Variants in BAIAP2 observed in about 807,000 individuals in gnomAD.
BAIAP2 encodes the protein BAR/IMD domain containing adaptor protein 2.
A neutral mutation model predicts 63.0 loss-of-function variants in BAIAP2; 18 were observed. That is an observed-to-expected ratio of 0.29 (90% CI 0.20 to 0.42). BAIAP2 has a LOEUF of 0.42. Ranked by LOEUF, BAIAP2 falls within the 10% of genes least tolerant of loss-of-function variation. The pLI is 1.00. For synonymous variants in BAIAP2, 386 were observed against 307.6 expected (o/e 1.25, Z -2.67); for missense variants, 610 against 734.3 (o/e 0.83, Z 1.96).
intron 3 of BAIAP2, among the ~76,000 whole-genome samples, chr17:81,065,864 A>G (rs1032536685): frequency 1.3e-5 from 2 of 152,238 alleles, no homozygotes; most frequent in African/African-American, 4.8e-5. Context: ...CTGGCTGTGC[A>G]GGGAGGCTAA....
intron 6 of BAIAP2, among the ~76,000 whole-genome samples, chr17:81,094,651 A>ATGCTGCCCTCCCTCCTC (rs1352975563): frequency 3.3e-5 from 5 of 152,118 alleles, no homozygotes; most frequent in African/African-American, 4.8e-5. Context: ...ACCACCTGCC[A>ATGCTGCCCTCCCTCCTC]TGCTGCCCTC....
At position 81,098,986 on chromosome 17, in the gene BAIAP2, AT is replaced by A. The variant is rs2058100778; in HGVS notation, c.490-941del. On this transcript the variant is annotated intron_variant, in intron 6 of 13. Coordinates refer to ENST00000428708, the MANE Select transcript of BAIAP2 (RefSeq NM_001144888.2). ...CGTCCCCCCATCCCCCCATCCCCCC[AT>A]CCCCCCATCCCCCCATCCCACGGGG... is the stretch of plus-strand genomic sequence containing the variant. Among the ~76,000 whole-genome samples, 5 of 38,226 alleles carry A rather than the reference AT, an allele frequency of 1.3e-4. No individual in the cohort carries two copies. The South Asian group carries it at 3.1e-3, about 24-fold the overall frequency. The allele number at this position is 38,226 out of a possible 152,430, so 25.1% of individuals were successfully genotyped here.
intron 3 of BAIAP2, among the ~76,000 whole-genome samples, chr17:81,081,293 C>T (rs1213616546): frequency 6.6e-6 from 1 of 152,160 alleles, no homozygotes; most frequent in Non-Finnish European, 1.5e-5. Context: ...GGAGCTGCCT[C>T]CCCCGGGGTC....
In BAIAP2 at chr17:81,061,782, C is replaced by T. The variant is rs1046533081; in HGVS notation, c.217+3815C>T. Among the ~76,000 whole-genome samples, 31 of 152,154 alleles carry T rather than the reference C, an allele frequency of 2.0e-4. 1 individual carries two copies. The highest frequency in any genetic ancestry group is 2.0e-4 in the Admixed American group (3 of 15,276). On this transcript the variant is annotated intron_variant, in intron 3 of 13. Transcript: ENST00000428708. ...GTGTTTTTGTTCACCACTGATCTCT[C>T]TTGGTGAAGTGTGTGTTCGAATCTT...
At chr17:81,074,580 T>TGC in intron 3 of BAIAP2, among the ~76,000 whole-genome samples, 2 of 149,184 alleles carry the variant, frequency 1.3e-5, no homozygotes, top group African/African-American at 5.0e-5. Context: ...CGTGCATGGA[T>TGC]GTGTGAGTGC....
chr17:81,106,405 C>T (rs2059186000), intron 11 of BAIAP2, among the ~76,000 whole-genome samples: 1 of 152,140 alleles, frequency 6.6e-6, no homozygotes, highest in African/African-American at 2.4e-5. Flanking sequence ...CTCCTGGGGG[C>T]CAGGTGTGCA....
intron 3 of BAIAP2, among the ~76,000 whole-genome samples, chr17:81,060,602 C>T (rs534977985): frequency 6.6e-6 from 1 of 152,214 alleles, no homozygotes; most frequent in Admixed American, 6.5e-5. Context: ...CTGTCACCTT[C>T]CGGCAGCTGT....
chr17:81,063,307 GCCTTT>G (rs2050908847), intron 3 of BAIAP2, among the ~76,000 whole-genome samples: 1 of 152,190 alleles, frequency 6.6e-6, no homozygotes, highest in Non-Finnish European at 1.5e-5. Flanking sequence ...TGTGCAACCT[GCCTTT>G]CTCACTGTGT....
At chr17:81,074,827 C>G (rs905820786) in intron 3 of BAIAP2, among the ~76,000 whole-genome samples, 1 of 152,198 alleles carries the variant, frequency 6.6e-6, no homozygotes, top group Non-Finnish European at 1.5e-5. Context: ...TGTGGGTGTA[C>G]CTATACATCA....
chr17:81,111,012 C>CG, intron 13 of BAIAP2: 1 of 1,606,606 alleles, frequency 6.2e-7, no homozygotes, highest in Non-Finnish European at 8.5e-7. Context: ...TGGTTCTCCA[C>CG]GGGCCCTCTG....
At chr17:81,098,488 G>A (rs1051992975) in intron 6 of BAIAP2, among the ~76,000 whole-genome samples, 1 of 151,982 alleles carries the variant, frequency 6.6e-6, no homozygotes, top group Non-Finnish European at 1.5e-5. Context: ...CCATCTTTAA[G>A]TGCACAGTTC....
chr17:81,098,842 C>T (rs2058069846), intron 6 of BAIAP2, among the ~76,000 whole-genome samples: 1 of 152,250 alleles, frequency 6.6e-6, no homozygotes, highest in Non-Finnish European at 1.5e-5. Flanking sequence ...TGGGGACCGC[C>T]TGCTGGCTGC....
At chr17:81,064,660 G>A (rs1286390717) in intron 3 of BAIAP2, among the ~76,000 whole-genome samples, 1 of 152,182 alleles carries the variant, frequency 6.6e-6, no homozygotes, top group Non-Finnish European at 1.5e-5. Context: ...CCTGGAGTGA[G>A]GAGTGGCTGG....
In BAIAP2 at chr17:81,052,082, C is replaced by T. The variant is rs146121644; in HGVS notation, c.55-1586C>T. ...GGCCTCAGGGGCTATCCCATTAGCA[C>T]ATCCACCTCTTCCTCTTCCTGCCTC... On this transcript the variant is annotated intron_variant, in intron 1 of 13. Coordinates refer to ENST00000428708, the MANE Select transcript of BAIAP2 (RefSeq NM_001144888.2). 1.3e-4 allele frequency among the ~76,000 whole-genome samples: 20 copies of T among 152,362 alleles called. No individual in the cohort carries two copies. The East Asian group carries it at 3.5e-3, about 26-fold the overall frequency.
At chr17:81,113,100 C>T (rs2060100865) in intron 13 of BAIAP2, among the ~76,000 whole-genome samples, 1 of 152,194 alleles carries the variant, frequency 6.6e-6, no homozygotes, top group African/African-American at 2.4e-5. Flanking sequence ...CCGGTCTCCC[C>T]TGCGGCCTTG....
At chr17:81,059,274 TC>T (rs1300758992) in intron 3 of BAIAP2, among the ~76,000 whole-genome samples, 1 of 151,890 alleles carries the variant, frequency 6.6e-6, no homozygotes, top group Non-Finnish European at 1.5e-5. Context: ...CTGGGCGGGG[TC>T]CCCGGGCCTC....
At chr17:81,104,743 G>C (rs1260198257) in intron 10 of BAIAP2, 28 bp downstream of exon 10, 1 of 1,535,824 alleles carries the variant, frequency 6.5e-7, no homozygotes, top group Non-Finnish European at 8.8e-7. Flanking sequence ...GCGGGCTCCA[G>C]GCAGCCGCTG....
intron 6 of BAIAP2, among the ~76,000 whole-genome samples, chr17:81,098,696 G>A (rs188690055): frequency 3.3e-5 from 5 of 152,280 alleles, no homozygotes; most frequent in East Asian, 3.9e-4. Context: ...AGCTTCTGTC[G>A]TCTTTGCTGG....
chr17:81,055,104 C>G (rs984858536), intron 2 of BAIAP2, among the ~76,000 whole-genome samples: 1 of 152,208 alleles, frequency 6.6e-6, no homozygotes, highest in Non-Finnish European at 1.5e-5. Flanking sequence ...CCTGGTGTTG[C>G]GGCACCCATG....
Sources: gnomAD v4.1 joint callset for allele counts (sites outside exome capture counted in the v4.1 genomes callset) on GRCh38, gnomAD v4.1.1 for gene constraint, MANE v1.5 for transcripts, NCBI Gene and HGNC (gene_info 2026-07-23, HGNC 2026-07-21) for gene names.